The following CDH12 variants were observed in gnomAD, a reference collection of about 807,000 sequenced individuals.
CDH12 encodes cadherin-12.
A neutral mutation model predicts 74.1 loss-of-function variants in CDH12; 41 were observed. The ratio of observed to expected loss-of-function variants is 0.55; its 90% confidence interval spans 0.43 to 0.72. The LOEUF is 0.72. CDH12 is among the 30% of genes least tolerant of loss of function. CDH12 has a pLI of 0.00. For synonymous variants in CDH12, 399 were observed against 355.0 expected (o/e 1.12, Z -1.39); for missense variants, 945 against 977.2 (o/e 0.97, Z 0.44).
chr5:21,912,441 A>G (rs138328027), intron 6 of CDH12, among the ~76,000 whole-genome samples: 1 of 152,256 alleles, frequency 6.6e-6, no homozygotes, highest in East Asian at 1.9e-4. Context: ...TGGGAGAGAA[A>G]GACTGAAGTC....
intron 9 of CDH12, among the ~76,000 whole-genome samples, chr5:21,814,470 A>T (rs545902219): frequency 8.2e-4 from 124 of 152,008 alleles, no homozygotes; most frequent in African/African-American, 2.8e-3. Context: ...ATAAAGGACT[A>T]TTATTAAACC....
At position 22,669,301 on chromosome 5, in the gene CDH12, C is replaced by G. The variant is rs149086859; in HGVS notation, c.-522-163937G>C. On this transcript the variant is annotated intron_variant, in intron 1 of 14. Coordinates refer to ENST00000382254, the MANE Select transcript of CDH12 (RefSeq NM_004061.5). ...CATTTGAAGCTGAAGGAAACACTAA[C>G]AGTTTTAAAAGATTAAACATACATA... 1.1e-4 allele frequency among the ~76,000 whole-genome samples: 17 copies of G among 152,208 alleles called. No individual in the cohort carries two copies. The East Asian group carries it at 3.1e-3, about 28-fold the overall frequency.
At chr5:22,773,665 G>A (rs1054037619) in intron 1 of CDH12, among the ~76,000 whole-genome samples, 1 of 152,012 alleles carries the variant, frequency 6.6e-6, no homozygotes, top group African/African-American at 2.4e-5. Context: ...AAACTAAAGA[G>A]CTTCTGCACA....
At chr5:22,315,530 A>C (rs1738596196) in intron 3 of CDH12, among the ~76,000 whole-genome samples, 2 of 152,292 alleles carry the variant, frequency 1.3e-5, no homozygotes, top group African/African-American at 4.8e-5. Flanking sequence ...ATGTAGGAGA[A>C]TGAAAAGTCC....
At chr5:22,287,680 G>A (rs1010100259) in intron 3 of CDH12, among the ~76,000 whole-genome samples, 8 of 143,794 alleles carry the variant, frequency 5.6e-5, no homozygotes, top group African/African-American at 2.1e-4. Context: ...CCGAGATTGC[G>A]CCACTGCAAT....
At chr5:22,195,365 C>T (rs1188729283) in intron 4 of CDH12, among the ~76,000 whole-genome samples, 1 of 152,008 alleles carries the variant, frequency 6.6e-6, no homozygotes, top group East Asian at 1.9e-4. Context: ...GAAATCAGAG[C>T]ATTAAAGAGT....
intron 4 of CDH12, among the ~76,000 whole-genome samples, chr5:22,107,413 G>A (rs1347182110): frequency 1.3e-5 from 2 of 149,506 alleles, no homozygotes. Flanking sequence ...TTACAGGCGT[G>A]AGCCACCGTG....
At chr5:22,525,537 A>AGAGG (rs1561467821) in intron 1 of CDH12, among the ~76,000 whole-genome samples, 2 of 137,844 alleles carry the variant, frequency 1.5e-5, no homozygotes, top group Admixed American at 7.4e-5. Flanking sequence ...AGGGAGGGAG[A>AGAGG]GAGGGAGGGA....
At chr5:21,917,630 T>C (rs998114215) in intron 6 of CDH12, among the ~76,000 whole-genome samples, 3 of 152,192 alleles carry the variant, frequency 2.0e-5, no homozygotes, top group Non-Finnish European at 4.4e-5. Flanking sequence ...AAGTGTTCTC[T>C]GTAAGAAAAA....
At chr5:22,179,473 G>C (rs1749520802) in intron 4 of CDH12, among the ~76,000 whole-genome samples, 1 of 152,116 alleles carries the variant, frequency 6.6e-6, no homozygotes. Context: ...TTATCGTAAA[G>C]TTGGAAGATA....
At chr5:21,829,205 G>A (rs1437806107) in intron 8 of CDH12, among the ~76,000 whole-genome samples, 4 of 152,224 alleles carry the variant, frequency 2.6e-5, no homozygotes, top group Non-Finnish European at 5.9e-5. Flanking sequence ...TGAGGCAGGA[G>A]AATAGCTTGA....
chr5:22,699,743 T>C (rs1742612181), intron 1 of CDH12, among the ~76,000 whole-genome samples: 4 of 152,206 alleles, frequency 2.6e-5, no homozygotes, highest in South Asian at 2.1e-4. Flanking sequence ...TTAGAAAGAA[T>C]ATTCTCTTCC....
At chr5:22,241,598 T>C (rs1294144057) in intron 3 of CDH12, among the ~76,000 whole-genome samples, 1 of 152,062 alleles carries the variant, frequency 6.6e-6, no homozygotes, top group East Asian at 1.9e-4. Flanking sequence ...TACTATTTCA[T>C]ACAGTTTGTT....
At chr5:22,322,374 A>AAC (rs1016623353) in intron 3 of CDH12, among the ~76,000 whole-genome samples, 1 of 151,626 alleles carries the variant, frequency 6.6e-6, no homozygotes, top group East Asian at 2.0e-4. Flanking sequence ...TTTAAAAAAA[A>AAC]AAAACATGGT....
intron 1 of CDH12, among the ~76,000 whole-genome samples, chr5:22,621,993 C>A (rs773407119): frequency 1.2e-4 from 18 of 152,076 alleles, no homozygotes; most frequent in Non-Finnish European, 2.4e-4. Flanking sequence ...ATCCCCTAGT[C>A]ATTAGCTGTG....
intron 1 of CDH12, among the ~76,000 whole-genome samples, chr5:22,673,164 T>C (rs1221743757): frequency 1.3e-5 from 2 of 152,188 alleles, no homozygotes; most frequent in Admixed American, 6.5e-5. Flanking sequence ...AAACACATAA[T>C]TGATTTTATA....
chr5:22,322,497 C>G (rs1738927696), intron 3 of CDH12, among the ~76,000 whole-genome samples: 1 of 151,990 alleles, frequency 6.6e-6, no homozygotes, highest in African/African-American at 2.4e-5. Flanking sequence ...GGCTTCAGTG[C>G]CAAATACCCA....
intron 2 of CDH12, among the ~76,000 whole-genome samples, chr5:22,468,532 A>T (rs953954668): frequency 3.3e-5 from 5 of 152,138 alleles, no homozygotes; most frequent in African/African-American, 9.7e-5. Flanking sequence ...AATAAATGAT[A>T]TACCAGTCCC....
In CDH12 at chr5:22,058,309, G is replaced by A. The variant is rs558115155; in HGVS notation, c.231+20137C>T. On this transcript the variant is annotated intron_variant, in intron 5 of 14. Transcript: ENST00000382254. ...TAAGCTCAGACAATCTGTCTGCCTC[G>A]GCCTCCCAAAGTGCTGGGATTACAG... Among the ~76,000 whole-genome samples, 301 of 152,070 alleles carry A rather than the reference G, an allele frequency of 2.0e-3. 2 individuals are homozygous for A. Among genetic ancestry groups the A allele is most frequent in the Non-Finnish European group, 3.9e-3 (262 of 68,002 alleles).
Sources: gnomAD v4.1 joint callset for allele counts (sites outside exome capture counted in the v4.1 genomes callset) on GRCh38, gnomAD v4.1.1 for gene constraint, MANE v1.5 for transcripts, NCBI Gene and HGNC (gene_info 2026-07-23, HGNC 2026-07-21) for gene names.